LATS2: variants seen among roughly 807,000 people sequenced by gnomAD.
The protein encoded by LATS2 is large tumor suppressor kinase 2.
LATS2 carries 24 observed loss-of-function variants against 76.0 expected under a neutral mutation model. That is an observed-to-expected ratio of 0.32 (90% CI 0.23 to 0.44). The LOEUF (loss-of-function observed/expected upper bound fraction) is 0.44, where lower values mean the gene tolerates loss of function less well. Among genes scored for constraint, LATS2 ranks in the 20% least tolerant of loss-of-function variants. The probability of loss-of-function intolerance (pLI) is 1.00; values close to 1 mark genes in which losing one functional copy is unlikely to be tolerated. For missense variants in LATS2, 1,286 were observed against 1,481.2 expected (o/e 0.87, Z 2.16); for synonymous variants, 692 against 635.4 (o/e 1.09, Z -1.34).
chr13:21,034,823 A>T (rs1872642749), intron 2 of LATS2, among the ~76,000 whole-genome samples: 1 of 152,094 alleles, frequency 6.6e-6, no homozygotes, highest in Non-Finnish European at 1.5e-5. Flanking sequence ...GTCATCAAGA[A>T]CTCTTAGGAA....
At chr13:20,983,150 G>A in intron 5 of LATS2, 74 bp downstream of exon 5, 1 of 1,025,128 alleles carries the variant, frequency 9.8e-7, no homozygotes, top group South Asian at 1.5e-5. Context: ...ACTAGGATGG[G>A]AAATTTAGTT....
At chr13:21,036,751 C>T (rs1444164913) in intron 2 of LATS2, among the ~76,000 whole-genome samples, 5 of 151,254 alleles carry the variant, frequency 3.3e-5, no homozygotes, top group African/African-American at 4.9e-5. Flanking sequence ...CCAGCCTGGG[C>T]GACAGAGCAA....
intron 2 of LATS2, among the ~76,000 whole-genome samples, chr13:21,019,006 C>T (rs557750303): frequency 2.6e-5 from 4 of 152,232 alleles, no homozygotes; most frequent in Admixed American, 2.0e-4. Flanking sequence ...CTCTCACGCC[C>T]CTGTCCTGTA....
intron 1 of LATS2, among the ~76,000 whole-genome samples, chr13:21,058,417 C>T (rs1873516998): frequency 6.6e-6 from 1 of 152,152 alleles, no homozygotes; most frequent in Non-Finnish European, 1.5e-5. Context: ...AGCTTCAATC[C>T]CCACCCTACC....
Position 20,975,298 on chromosome 13 carries a change from G to C in LATS2, c.2839C>G (p.Leu947Val). 1 of 1,611,790 alleles carries C rather than the reference G, an allele frequency of 6.2e-7. No homozygotes were observed. The highest frequency in any genetic ancestry group is 8.5e-7 in the Non-Finnish European group (1 of 1,178,658). ...GCGGAGCAGCACAGCTTGGTGATGA[G>C]GTCCCTGGCCTCAGGGCTCAGCTTC... ...QVKLSPEARD[L>V]ITKLCCSADH... The change falls in exon 8 of 8, where the codon CTC (leucine) becomes GTC (valine). Residue 947 changes from leucine (L) to valine (V), a missense_variant. Leu to Val is a conservative substitution (Grantham distance 32). This residue lies in a region of LATS2 where 210 missense variants were observed against 234.9 expected (regional missense o/e 0.89). Transcript: ENST00000382592.
intron 2 of LATS2, among the ~76,000 whole-genome samples, chr13:21,025,459 G>A (rs1284306441): frequency 1.3e-5 from 2 of 151,966 alleles, no homozygotes; most frequent in African/African-American, 2.4e-5. Context: ...CACCTGAGGG[G>A]GTCGGACACG....
At chr13:21,059,976 A>G (rs1873574324) in intron 1 of LATS2, among the ~76,000 whole-genome samples, 1 of 152,162 alleles carries the variant, frequency 6.6e-6, no homozygotes, top group African/African-American at 2.4e-5. Flanking sequence ...AAATAACAAC[A>G]TTTTTGTCAA....
In LATS2 at chr13:20,974,731, A is replaced by G; in HGVS notation, c.*139T>C. On this transcript the variant is annotated 3_prime_UTR_variant, in exon 8 of 8. Transcript: ENST00000382592. ...TGTCCTGTTTGGGTTTTCTTGGTGAAGAGCAGAATTTCAAGTGAAGTAATC... is the reference window on the plus strand; with the variant it reads ...TGTCCTGTTTGGGTTTTCTTGGTGAGGAGCAGAATTTCAAGTGAAGTAATC... 3.4e-6 allele frequency: 3 copies of G among 895,330 alleles called. No individual in the cohort carries two copies. The African/African-American group carries it at 5.0e-5, about 15-fold the overall frequency. 55.5% of individuals were successfully genotyped at this position (895,330 alleles called of 1,614,324 possible). A position where few individuals can be genotyped will look rare whatever the true frequency, so the allele number is the denominator to read the frequency against.
In LATS2 at chr13:20,991,154, A is replaced by T. The variant is rs1870490284; in HGVS notation, c.475+118T>A. ...AGCTTGCCTGTTAACTGAATGAGGC[A>T]ATGTGCCAGGAGACTGGCTCTGGCC... On this transcript the variant is annotated intron_variant, in intron 3 of 7. Transcript: ENST00000382592. This position sits in a 1 kb window ranked among gnomAD's most constrained non-coding sequence, Gnocchi z 4.9. 5 of 1,259,604 alleles carry T rather than the reference A, an allele frequency of 4.0e-6. No homozygotes were observed. Among genetic ancestry groups the T allele is most frequent in the Non-Finnish European group, 5.6e-6 (5 of 889,528 alleles). 78.0% of individuals were successfully genotyped at this position (1,259,604 alleles called of 1,614,324 possible).
rs748829851 is a variant in LATS2 at position 20,988,513 on chromosome 13, C to T, written c.1267G>A (p.Glu423Lys). The T allele has an allele frequency of 6.4e-6, 10 of 1,560,442 alleles. No homozygotes were observed. The African/African-American group carries it at 6.7e-5, about 11-fold the overall frequency. Reference protein sequence around the residue: ...QPRPGPPGKAEPSLPAPNTVT... With the variant: ...QPRPGPPGKAKPSLPAPNTVT... ...GTGTTGGGGGCGGGCAGGGAGGGCTCGGCCTTGCCAGGCGGACCGGGCCGC... is the reference window on the plus strand; with the variant it reads ...GTGTTGGGGGCGGGCAGGGAGGGCTTGGCCTTGCCAGGCGGACCGGGCCGC... The change falls in exon 4 of 8, where the codon GAG (glutamate) becomes AAG (lysine). Residue 423 changes from glutamate (E) to lysine (K), a missense_variant. Coordinates refer to ENST00000382592, the MANE Select transcript of LATS2 (RefSeq NM_014572.3).
At chr13:21,059,855 C>T (rs1873569940) in intron 1 of LATS2, among the ~76,000 whole-genome samples, 1 of 150,978 alleles carries the variant, frequency 6.6e-6, no homozygotes, top group South Asian at 2.1e-4. Context: ...ATCCCAGCTA[C>T]GTGGGAGGCT....
intron 2 of LATS2, among the ~76,000 whole-genome samples, chr13:21,028,067 C>T (rs1472699000): frequency 3.9e-5 from 6 of 152,098 alleles, no homozygotes; most frequent in African/African-American, 1.4e-4. Flanking sequence ...TCTCCTAATG[C>T]TATCCCTCCC....
chr13:21,007,571 A>ATAT (rs1555225439), intron 2 of LATS2, among the ~76,000 whole-genome samples: 1 of 18,498 alleles, frequency 5.4e-5, no homozygotes, highest in Non-Finnish European at 7.2e-5. Flanking sequence ...ATATATATAT[A>ATAT]TATATATATA....
At chr13:21,026,043 C>G (rs1565958684) in intron 2 of LATS2, among the ~76,000 whole-genome samples, 3 of 152,162 alleles carry the variant, frequency 2.0e-5, no homozygotes, top group Non-Finnish European at 2.9e-5. Flanking sequence ...AAGCACTGGC[C>G]ATAAAGAGGG....
At position 20,975,274 on chromosome 13, in the gene LATS2, C is replaced by T. The variant is rs764574613; in HGVS notation, c.2863G>A (p.Ala955Thr). The change falls in exon 8 of 8, where the codon GCA becomes ACA. Residue 955 changes from alanine (A) to threonine (T), a missense_variant. Transcript: ENST00000382592. Reference protein sequence around the residue: ...RDLITKLCCSADHRLGRNGAD... With the variant: ...RDLITKLCCSTDHRLGRNGAD... ...CCATTCCGCCCCAGGCGGTGGTCTG[C>T]GGAGCAGCACAGCTTGGTGATGAGG... is the stretch of plus-strand genomic sequence containing the variant. 8.1e-6 allele frequency: 13 copies of T among 1,613,828 alleles called. No homozygotes were observed. Among genetic ancestry groups the T allele is most frequent in the East Asian group, 2.2e-5 (1 of 44,884 alleles).
rs954861347 is a variant in LATS2, at chr13:20,973,616, C to T, written c.*1254G>A. 9 of 231,318 alleles carry T rather than the reference C, an allele frequency of 3.9e-5. No individual in the cohort carries two copies. Among genetic ancestry groups the T allele is most frequent in the Non-Finnish European group, 6.8e-5 (8 of 116,968 alleles). The allele number at this position is 231,318 out of a possible 1,614,324, so 14.3% of individuals were successfully genotyped here. A position where few individuals can be genotyped will look rare whatever the true frequency, so the allele number is the denominator to read the frequency against. ...TCAATGTCATTTTGAAGAATCTTTGCTTTTTTACAAAGGTTAGGAATATGT... is the reference window on the plus strand; with the variant it reads ...TCAATGTCATTTTGAAGAATCTTTGTTTTTTTACAAAGGTTAGGAATATGT... On this transcript the variant is annotated 3_prime_UTR_variant, in exon 8 of 8. Transcript: ENST00000382592.
chr13:21,043,475 C>T (rs569225246), intron 2 of LATS2, among the ~76,000 whole-genome samples: 18 of 152,102 alleles, frequency 1.2e-4, no homozygotes, highest in East Asian at 5.8e-4. Flanking sequence ...ATTTTCTGAA[C>T]GCAAATACAT....
In LATS2 at chr13:20,974,071, C is replaced by G. The variant is rs1233250512; in HGVS notation, c.*799G>C. ...TTAACAAAACAGTAAGAGATACAAT[C>G]ATAGCGAAGAGGTCACCCGCACAAT... On this transcript the variant is annotated 3_prime_UTR_variant, in exon 8 of 8. Transcript: ENST00000382592. 1.3e-5 allele frequency: 3 copies of G among 223,322 alleles called. No individual in the cohort carries two copies. The highest frequency in any genetic ancestry group is 6.8e-5 in the African/African-American group (3 of 44,082). The allele number at this position is 223,322 out of a possible 1,614,324, so 13.8% of individuals were successfully genotyped here.
chr13:21,007,683 G>GTGTATATA (rs1555225497), intron 2 of LATS2, among the ~76,000 whole-genome samples: 3 of 354 alleles, frequency 8.5e-3, no homozygotes, highest in Non-Finnish European at 0.06. Flanking sequence ...TATATATATA[G>GTGTATATA]TATATATATA....
Sources: allele counts gnomAD v4.1 joint callset (sites outside exome capture counted in the v4.1 genomes callset), GRCh38; gene constraint gnomAD v4.1.1; regional missense constraint gnomAD v4.1.1; non-coding constraint Gnocchi (gnomAD v3.1); transcripts MANE v1.5; gene names NCBI Gene and HGNC (gene_info 2026-07-23, HGNC 2026-07-21).